ZNF717: variants seen among roughly 807,000 people sequenced by gnomAD.
The protein encoded by ZNF717 is krueppel-like factor X17.
Under a neutral mutation model 13.8 loss-of-function variants are expected in ZNF717, and 9 were observed. The ratio of observed to expected loss-of-function variants is 0.65; its 90% CI spans 0.39 to 1.14. The LOEUF (loss-of-function observed/expected upper bound fraction) is 1.14, where lower values mean the gene tolerates loss of function less well. Among genes scored for constraint, ZNF717 ranks in the 50% most tolerant of loss-of-function variants. The probability of loss-of-function intolerance (pLI) is 0.01; values close to 1 mark genes in which losing one functional copy is unlikely to be tolerated. For missense variants in ZNF717, 1,040 were observed against 1,080.7 expected (o/e 0.96, Z 0.53); for synonymous variants, 327 against 364.1 (o/e 0.90, Z 1.16).
intron 2 of ZNF717, among the ~76,000 whole-genome samples, chr3:75,742,463 GAGA>G (rs1940601545): frequency 6.6e-6 from 1 of 151,342 alleles, no homozygotes; most frequent in Non-Finnish European, 1.5e-5. Flanking sequence ...ACTAAGATAA[GAGA>G]AGGAGAAAAT....
At chr3:75,756,877 C>T (rs1485579486) in intron 2 of ZNF717, among the ~76,000 whole-genome samples, 2 of 152,124 alleles carry the variant, frequency 1.3e-5, no homozygotes, top group Non-Finnish European at 2.9e-5. Context: ...GGTTTCTCCA[C>T]GTTGGTCACA....
At chr3:75,771,104 T>C (rs1209065088) in intron 2 of ZNF717, among the ~76,000 whole-genome samples, 8 of 152,234 alleles carry the variant, frequency 5.3e-5, no homozygotes, top group African/African-American at 1.9e-4. Flanking sequence ...CTTAAGAGTA[T>C]GTGCCTGTAA....
At chr3:75,772,798 G>C (rs76043795) in intron 2 of ZNF717, among the ~76,000 whole-genome samples, 1,357 of 110,846 alleles carry the variant, frequency 0.012, no homozygotes, top group Middle Eastern at 0.041. Flanking sequence ...GGTAAAGGCG[G>C]CACCAGCCAG....
intron 2 of ZNF717, among the ~76,000 whole-genome samples, chr3:75,758,112 CAAAAAAAAAAAA>C (rs111361124): frequency 6.2e-5 from 4 of 64,538 alleles, no homozygotes; most frequent in South Asian, 1.1e-3. Flanking sequence ...GACTCCATCT[CAAAAAAAAAAAA>C]AAAAAAAAAA....
At chr3:75,766,375 A>G (rs1383696343) in intron 2 of ZNF717, among the ~76,000 whole-genome samples, 1 of 152,208 alleles carries the variant, frequency 6.6e-6, no homozygotes, top group African/African-American at 2.4e-5. Flanking sequence ...AAAAGCTTCA[A>G]TGGAGATGTT....
At chr3:75,746,873 T>G (rs1486095599) in intron 2 of ZNF717, among the ~76,000 whole-genome samples, 1 of 152,238 alleles carries the variant, frequency 6.6e-6, no homozygotes, top group Non-Finnish European at 1.5e-5. Context: ...TTTAATTAGA[T>G]CCTATTTGTC....
At chr3:75,744,301 G>A (rs1343618487) in intron 2 of ZNF717, among the ~76,000 whole-genome samples, 2 of 152,278 alleles carry the variant, frequency 1.3e-5, no homozygotes, top group Admixed American at 1.3e-4. Flanking sequence ...TAAGAAGCTT[G>A]GAAGTAATCA....
chr3:75,720,628 T>C (rs1938149116), intron 4 of ZNF717, among the ~76,000 whole-genome samples: 1 of 152,214 alleles, frequency 6.6e-6, no homozygotes, highest in Non-Finnish European at 1.5e-5. Context: ...TACCCCTGAA[T>C]CTGAAATAAT....
Position 75,746,324 on chromosome 3 carries a change from T to C in ZNF717, c.58-4588A>G, listed in dbSNP as rs766676169. On this transcript the variant is annotated intron_variant, in intron 2 of 4. Transcript: ENST00000652011. ...GGTTCCAAGTCTTTGCTATTGTGAG[T>C]AGCACTGCAATAAACTTACGTGTGT... is the stretch of plus-strand genomic sequence containing the variant. Among the ~76,000 whole-genome samples, 817 of 152,302 alleles carry C rather than the reference T, an allele frequency of 5.4e-3. 5 individuals carry two copies. Among genetic ancestry groups the C allele is most frequent in the Non-Finnish European group, 7.6e-3 (516 of 68,024 alleles).
chr3:75,713,420 G>A (rs1217445462), intron 5 of ZNF717, among the ~76,000 whole-genome samples: 3 of 152,000 alleles, frequency 2.0e-5, no homozygotes, highest in Non-Finnish European at 4.4e-5. Context: ...CGAAGTGCTG[G>A]GATCACAGGC....
intron 2 of ZNF717, among the ~76,000 whole-genome samples, chr3:75,749,771 G>A (rs78648072): frequency 1.9e-4 from 29 of 151,850 alleles, no homozygotes; most frequent in African/African-American, 6.3e-4. Flanking sequence ...TGCTGCTGGA[G>A]TCTGAATGTT....
intron 2 of ZNF717, among the ~76,000 whole-genome samples, chr3:75,764,765 T>A (rs1307094813): frequency 1.3e-5 from 2 of 151,850 alleles, no homozygotes; most frequent in Non-Finnish European, 2.9e-5. Flanking sequence ...CAAGTGCAGG[T>A]GAAACTGAAA....
intron 4 of ZNF717, among the ~76,000 whole-genome samples, chr3:75,719,562 TTGATTAA>T (rs1404607320): frequency 3.3e-5 from 5 of 152,212 alleles, no homozygotes; most frequent in African/African-American, 1.2e-4. Context: ...CTTTTTGTTC[TTGATTAA>T]CAGTGAGATG....
chr3:75,704,417 C>T, intron 6 of ZNF717, among the ~76,000 whole-genome samples: 1 of 152,270 alleles, frequency 6.6e-6, no homozygotes. Flanking sequence ...AATCAATCAG[C>T]TGGCAAGTGG....
intron 2 of ZNF717, among the ~76,000 whole-genome samples, chr3:75,751,374 T>C (rs1575833895): frequency 2.0e-5 from 3 of 150,662 alleles, no homozygotes; most frequent in Admixed American, 1.3e-4. Context: ...GTCCCTCACA[T>C]AGGATTCCAG....
chr3:75,754,990 C>T (rs1942342515), intron 2 of ZNF717, among the ~76,000 whole-genome samples: 1 of 152,142 alleles, frequency 6.6e-6, no homozygotes, highest in Non-Finnish European at 1.5e-5. Flanking sequence ...AAGATAAGAA[C>T]TGAATTCAAC....
chr3:75,718,015 T>A (rs1575720067), intron 4 of ZNF717, among the ~76,000 whole-genome samples: 1 of 152,126 alleles, frequency 6.6e-6, no homozygotes, highest in South Asian at 2.1e-4. Context: ...AGGGACAGAA[T>A]GGGACAGGGA....
At chr3:75,779,130 G>GA (rs1203570880) in intron 2 of ZNF717, among the ~76,000 whole-genome samples, 17 of 151,096 alleles carry the variant, frequency 1.1e-4, no homozygotes, top group Non-Finnish European at 1.8e-4. Flanking sequence ...GCTAAAACCA[G>GA]AACACAAAAC....
rs890404934 is a variant in ZNF717, at chr3:75,714,829, A to G, written n.667+1590T>C. On this transcript the variant is annotated intron_variant and non_coding_transcript_variant, in intron 5 of 5. Coordinates refer to the ZNF717 transcript ENST00000491507. ...TAATTATTGTATATTTCATGAGGCC[A>G]TTTATCTAAACAGACTTTCTTAAGG... Among the ~76,000 whole-genome samples, 17 of 152,242 alleles carry G rather than the reference A, an allele frequency of 1.1e-4. 1 individual carries two copies.
Sources: gnomAD v4.1 joint callset for allele counts (sites outside exome capture counted in the v4.1 genomes callset) on GRCh38, gnomAD v4.1.1 for gene constraint, MANE v1.5 for transcripts, NCBI Gene and HGNC (gene_info 2026-07-23, HGNC 2026-07-21) for gene names.